Variants in CARNS1 observed in about 807,000 individuals in gnomAD.
The protein encoded by CARNS1 is carnosine synthase 1, also known as ATP-grasp domain containing 1.
A neutral mutation model predicts 74.0 loss-of-function variants in CARNS1; 61 were observed. The observed-to-expected ratio is 0.82, with a 90% CI of 0.67 to 1.02. The LOEUF (loss-of-function observed/expected upper bound fraction) is 1.02, where lower values mean the gene tolerates loss of function less well. CARNS1 is among the 50% of genes least tolerant of loss of function. The pLI, the probability that CARNS1 is intolerant of heterozygous loss-of-function variation, is 0.00. For synonymous variants in CARNS1, 568 were observed against 605.5 expected (o/e 0.94, Z 0.91); for missense variants, 1,278 against 1,308.4 (o/e 0.98, Z 0.36).
intron 3 of CARNS1, 74 bp from the exon 4 acceptor site, chr11:67,418,357 T>G: frequency 9.2e-7 from 1 of 1,085,884 alleles, no homozygotes; most frequent in Non-Finnish European, 1.3e-6. Context: ...GCCGTGGGTG[T>G]GGAGGTGGTG....
In CARNS1 at chr11:67,415,859, C is replaced by T. The variant is rs368225452; in HGVS notation, c.-25+96C>T. On this transcript the variant is annotated intron_variant, in intron 1 of 9. Coordinates refer to ENST00000687366, the MANE Select transcript of CARNS1 (RefSeq NM_001166222.2). ...GAGGACCCCGGGCGCCCGCTCCCCG[C>T]GGCGGGACCCTCGACGCTACGCCCC... 6.3e-3 allele frequency: 1,271 copies of T among 200,160 alleles called. 13 individuals carry two copies. The highest frequency in any genetic ancestry group is 0.043 in the South Asian group (387 of 9,008). 12.4% of individuals were successfully genotyped at this position (200,160 alleles called of 1,614,324 possible).
At position 67,425,216 on chromosome 11, in the gene CARNS1, T is replaced by C. The variant is rs888962365; in HGVS notation, c.*615T>C. On this transcript the variant is annotated 3_prime_UTR_variant, in exon 10 of 10. Transcript: ENST00000687366. ...GACACAACTGCCTATGTTCCCCCGATGAGAGGAAACAGGCTGAGAGAAGAA... is the reference window on the plus strand; with the variant it reads ...GACACAACTGCCTATGTTCCCCCGACGAGAGGAAACAGGCTGAGAGAAGAA... 9 of 380,530 alleles carry C rather than the reference T, an allele frequency of 2.4e-5. No individual in the cohort carries two copies. Among genetic ancestry groups the C allele is most frequent in the Non-Finnish European group, 4.2e-5 (8 of 191,468 alleles). The allele number at this position is 380,530 out of a possible 1,614,324, so 23.6% of individuals were successfully genotyped here.
rs34732704 is a variant in CARNS1, at chr11:67,418,944, C to CG, written c.557dup (p.Arg187ProfsTer9). On this transcript the variant is annotated frameshift_variant, in exon 5 of 10. Transcript: ENST00000687366. LOFTEE classifies it high-confidence loss of function. ...GGCAGGCCTGGGCCTGGGGCCTGGC[C>CG]GGGGCCGAGAGGCAGCAGAACTCGC... is the stretch of plus-strand genomic sequence containing the variant. The CG allele has an allele frequency of 6.5e-5, 103 of 1,576,988 alleles. No individual in the cohort carries two copies. The highest frequency in any genetic ancestry group is 8.5e-5 in the Non-Finnish European group (99 of 1,161,400).
At chr11:67,420,502 T>A in intron 7 of CARNS1, 107 bp from the exon 8 acceptor site, 1 of 625,264 alleles carries the variant, frequency 1.6e-6, no homozygotes, top group Non-Finnish European at 2.3e-6. Flanking sequence ...ACGGGGCTTC[T>A]TGAATGTCCA....
rs941180965 is a variant in CARNS1, at chr11:67,421,211, G to C, written c.1618G>C (p.Gly540Arg). 2 of 1,489,768 alleles carry C rather than the reference G, an allele frequency of 1.3e-6. No homozygotes were observed. The highest frequency in any genetic ancestry group is 1.8e-6 in the Non-Finnish European group (2 of 1,126,390). The allele number at this position is 1,489,768 out of a possible 1,614,324, so 92.3% of individuals were successfully genotyped here. A position where few individuals can be genotyped will look rare whatever the true frequency, so the allele number is the denominator to read the frequency against. ...CGTGTGGGAGGCGGCGCGCGACTAC[G>C]GGCTCCAGGTGGGCGGGGCGCGGGG... The part of the protein sequence containing the change: ...KFVWEAARDY[G>R]LQLHLVESDP... Residue 540 changes from glycine (G) to arginine (R), a missense_variant, in exon 9 of 10, where the codon GGG (glycine) becomes CGG (arginine). Coordinates refer to ENST00000687366, the MANE Select transcript of CARNS1 (RefSeq NM_001166222.2).
chr11:67,417,720 G>A, intron 3 of CARNS1, 43 bp downstream of exon 3: 2 of 1,220,208 alleles, frequency 1.6e-6, no homozygotes, highest in African/African-American at 1.6e-5. Flanking sequence ...TGGGGGCAGG[G>A]AGGGGCCCTC....
At chr11:67,419,994 C>G (rs541913714) in intron 7 of CARNS1, among the ~76,000 whole-genome samples, 156 bp downstream of exon 7, 15 of 152,300 alleles carry the variant, frequency 9.8e-5, no homozygotes, top group South Asian at 8.3e-4. Flanking sequence ...CTGGGTCTGA[C>G]CGTCTTCCCT....
chr11:67,421,916 T>A (rs1378306879), intron 9 of CARNS1, among the ~76,000 whole-genome samples: 5 of 149,456 alleles, frequency 3.3e-5, no homozygotes, highest in African/African-American at 9.9e-5. Context: ...TGAAACGGAG[T>A]CTTGCTCTGT....
Position 67,418,859 on chromosome 11 carries a change from C to A in CARNS1, c.468C>A (p.His156Gln). The change falls in exon 5 of 10, where the codon CAC becomes CAA. Residue 156 changes from histidine (H) to glutamine (Q), a missense_variant. Transcript: ENST00000687366. ...ALLVSKAVSFHPGGLTFLDDF... is the reference protein window; with the variant it reads ...ALLVSKAVSFQPGGLTFLDDF... Reference sequence around the variant, plus strand: ...TAGTCTCCAAGGCTGTGAGCTTCCACCCTGGGGGCCTGACATTCCTGGATG... The same window carrying A: ...TAGTCTCCAAGGCTGTGAGCTTCCAACCTGGGGGCCTGACATTCCTGGATG... 3.1e-6 allele frequency: 5 copies of A among 1,600,666 alleles called. No homozygotes were observed. Among genetic ancestry groups the A allele is most frequent in the Non-Finnish European group, 4.3e-6 (5 of 1,173,956 alleles).
Position 67,423,255 on chromosome 11 carries a change from A to T in CARNS1, c.1627-120A>T. ...TTCAGTCAATCCACAACACACATTT[A>T]TTGAGCACCTAGTGTTTGTGTACTC... On this transcript the variant is annotated intron_variant, in intron 9 of 9. Coordinates refer to ENST00000687366, the MANE Select transcript of CARNS1 (RefSeq NM_001166222.2). The surrounding 1 kb of genome is among the most constrained non-coding windows in gnomAD (Gnocchi z 5.1). 1.0e-6 allele frequency: 1 copy of T among 970,708 alleles called. No homozygotes were observed. 60.1% of individuals were successfully genotyped at this position (970,708 alleles called of 1,614,324 possible). A position where few individuals can be genotyped will look rare whatever the true frequency, so the allele number is the denominator to read the frequency against.
At chr11:67,416,667 C>G in intron 2 of CARNS1, 1 of 992,262 alleles carries the variant, frequency 1.0e-6, no homozygotes, top group South Asian at 4.5e-5. Context: ...GGAGGACAGA[C>G]TCAGCTGCCA....
In CARNS1 at chr11:67,424,064, A is replaced by C. The variant is rs367552710; in HGVS notation, c.2316A>C (p.Ala772=). 32 of 1,613,082 alleles carry C rather than the reference A, an allele frequency of 2.0e-5. No homozygotes were observed. The African/African-American group carries it at 4.0e-4, about 20-fold the overall frequency. Residue 772 remains alanine (A), a synonymous_variant, in exon 10 of 10, where the codon GCA becomes GCC. Coordinates refer to ENST00000687366, the MANE Select transcript of CARNS1 (RefSeq NM_001166222.2). ...CGGCCTGCATGCCCACCGGGCTGGC[A>C]CCAGAGCAGGAGGCACAGATGGTTC... ...ETAACMPTGL[A]PEQEAQMVQA... is the part of the protein sequence containing the mutation.
At chr11:67,417,714 G>A (rs1863583256) in intron 3 of CARNS1, 37 bp downstream of exon 3, 1 of 1,226,238 alleles carries the variant, frequency 8.2e-7, no homozygotes. Flanking sequence ...CACCTCTGGG[G>A]GCAGGGAGGG....
chr11:67,417,826 G>T, intron 3 of CARNS1, 149 bp downstream of exon 3: 1 of 528,142 alleles, frequency 1.9e-6, no homozygotes, highest in Non-Finnish European at 2.9e-6. Context: ...GTTGGCCTAG[G>T]GTAGGCGGAC....
Position 67,424,174 on chromosome 11 carries a change from G to A in CARNS1, c.2426G>A (p.Arg809Gln), listed in dbSNP as rs761515351. The A allele has an allele frequency of 5.0e-6, 8 of 1,613,718 alleles. No individual in the cohort carries two copies. Among genetic ancestry groups the A allele is most frequent in the South Asian group, 2.2e-5 (2 of 91,080 alleles). ...VELKLTGAGP[R>Q]LIEINPRMGG... ...CTCAAGCTGACCGGGGCTGGGCCTC[G>A]GCTTATCGAGATCAACCCCCGCATG... Residue 809 changes from arginine (R) to glutamine (Q), a missense_variant, in exon 10 of 10, where the codon CGG becomes CAG. Physicochemically the swap from Arg to Gln is conservative, Grantham distance 43 (BLOSUM62 1). This residue lies in a region of CARNS1 where 1,164 missense variants were observed against 1,156.5 expected (regional missense o/e 1.01). Coordinates refer to ENST00000687366, the MANE Select transcript of CARNS1 (RefSeq NM_001166222.2).
At chr11:67,416,020 C>T (rs1863536918) in intron 1 of CARNS1, 156 bp from the exon 2 acceptor site, 3 of 648,022 alleles carry the variant, frequency 4.6e-6, no homozygotes, top group Admixed American at 2.1e-5. Context: ...AAATCCCTCC[C>T]TACCTTCGGG....
rs903483184 is a variant in CARNS1, at chr11:67,418,992, G to A, written c.601G>A (p.Gly201Arg). Residue 201 changes from glycine (G) to arginine (R), a missense_variant, in exon 5 of 10, where the codon GGA becomes AGA. Transcript: ENST00000687366. ...ELARDLTCPT[G>R]ASAELARLLE... is the part of the protein sequence containing the mutation. ...CGCCCGTGACCTGACCTGCCCCACAGGAGCTTCGGCTGAGCTGGCCCGGCT... is the reference window on the plus strand; with the variant it reads ...CGCCCGTGACCTGACCTGCCCCACAAGAGCTTCGGCTGAGCTGGCCCGGCT... 1 of 1,563,530 alleles carries A rather than the reference G, an allele frequency of 6.4e-7. No individual in the cohort carries two copies. Among genetic ancestry groups the A allele is most frequent in the African/African-American group, 1.4e-5 (1 of 73,590 alleles).
In CARNS1 at chr11:67,423,868, G is replaced by A. The variant is rs1403684877; in HGVS notation, c.2120G>A (p.Gly707Asp). Residue 707 changes from glycine to aspartate, a missense_variant, in exon 10 of 10, where the codon GGC becomes GAC. Around this residue, in one of 3 missense-constraint regions of CARNS1, gnomAD observed 1,164 missense variants for 1,156.5 expected, o/e 1.01. Coordinates refer to ENST00000687366, the MANE Select transcript of CARNS1 (RefSeq NM_001166222.2). This position sits in a 1 kb window ranked among gnomAD's most constrained non-coding sequence, Gnocchi z 5.1. ...TCCCGGATTACCCGAGACTTGCAGG[G>A]CGAGGCCGACCACCCAGGCATTGGG... is the stretch of plus-strand genomic sequence containing the variant. ...HFSRITRDLQGEADHPGIGLG... is the reference protein window; with the variant it reads ...HFSRITRDLQDEADHPGIGLG... 2 of 1,613,268 alleles carry A rather than the reference G, an allele frequency of 1.2e-6. No homozygotes were observed. The highest frequency in any genetic ancestry group is 1.7e-6 in the Non-Finnish European group (2 of 1,179,890).
At chr11:67,422,097 C>T (rs1306232895) in intron 9 of CARNS1, among the ~76,000 whole-genome samples, 1 of 150,794 alleles carries the variant, frequency 6.6e-6, no homozygotes, top group Non-Finnish European at 1.5e-5. Context: ...TGGTCTCGAT[C>T]TCCTGACCTC....
Sources: allele counts gnomAD v4.1 joint callset (sites outside exome capture counted in the v4.1 genomes callset), GRCh38; gene constraint gnomAD v4.1.1; regional missense constraint gnomAD v4.1.1; non-coding constraint Gnocchi (gnomAD v3.1); transcripts MANE v1.5; gene names NCBI Gene and HGNC (gene_info 2026-07-23, HGNC 2026-07-21).